DCAF8L2: variants seen among roughly 807,000 people sequenced by gnomAD.
DCAF8L2 encodes DDB1- and CUL4-associated factor 8-like protein 2.
For synonymous variants in DCAF8L2, 200 were observed against 190.9 expected, an observed-to-expected ratio of 1.05 and a Z score of -0.39; for missense variants, 430 against 490.7, an observed-to-expected ratio of 0.88 and a Z score of 1.17.
chrX:27,671,788 C>T (rs925027067), intron 2 of DCAF8L2, among the ~76,000 whole-genome samples: 1 of 111,889 alleles, frequency 8.9e-6, no homozygotes, highest in African/African-American at 3.2e-5. Context: ...TGTTTTCTGT[C>T]ACTTTCAACT....
chrX:27,508,097 C>A, the DCAF8L2 span, among the ~76,000 whole-genome samples: 1 of 111,598 alleles, frequency 9.0e-6, no homozygotes, highest in African/African-American at 3.2e-5. Flanking sequence ...ATATATAGGA[C>A]CTAGTATACC....
At chrX:27,721,428 T>C (rs749790854) in intron 4 of DCAF8L2, among the ~76,000 whole-genome samples, 1 of 111,729 alleles carries the variant, frequency 9.0e-6, no homozygotes, top group South Asian at 3.6e-4. Flanking sequence ...AAGTCCTGAA[T>C]ATCGTAGAAC....
intron 3 of DCAF8L2, among the ~76,000 whole-genome samples, chrX:27,695,975 A>G (rs1381402085): frequency 1.8e-5 from 2 of 109,918 alleles, no homozygotes; most frequent in Non-Finnish European, 3.8e-5. Context: ...CAGACAGATC[A>G]CTTGAAATCA....
chrX:27,526,806 C>T, the DCAF8L2 span, among the ~76,000 whole-genome samples: 2 of 112,634 alleles, frequency 1.8e-5, no homozygotes, highest in South Asian at 7.2e-4. Context: ...ACCCTGTTTG[C>T]CTGGGTATCA....
At chrX:27,592,334 C>T (rs189916007) in intron 1 of DCAF8L2, among the ~76,000 whole-genome samples, 2 of 111,850 alleles carry the variant, frequency 1.8e-5, no homozygotes, top group East Asian at 2.8e-4. Flanking sequence ...AGCCGGGGCA[C>T]GTTCCTGTCA....
At chrX:27,535,642 C>A in the DCAF8L2 span, among the ~76,000 whole-genome samples, 7 of 111,924 alleles carry the variant, frequency 6.3e-5, no homozygotes, top group East Asian at 2.8e-4. Flanking sequence ...TCGGAGCCAT[C>A]CTGAATAACT....
At chrX:27,480,034 G>A in the DCAF8L2 span, among the ~76,000 whole-genome samples, 1 of 112,426 alleles carries the variant, frequency 8.9e-6, no homozygotes, top group Non-Finnish European at 1.9e-5. Flanking sequence ...AAAGCTCATG[G>A]TCTCCAAACA....
chrX:27,489,737 A>T, the DCAF8L2 span, among the ~76,000 whole-genome samples: 2 of 112,214 alleles, frequency 1.8e-5, no homozygotes, highest in Admixed American at 9.5e-5. Flanking sequence ...TTTCTGAAGC[A>T]GCTGTAAAAT....
intron 1 of DCAF8L2, among the ~76,000 whole-genome samples, chrX:27,598,800 T>C (rs745447586): frequency 1.8e-5 from 2 of 109,959 alleles, no homozygotes; most frequent in Admixed American, 2.0e-4. Context: ...TGCAACAACA[T>C]AACTACCTTG....
At chrX:27,671,700 G>A (rs979576457) in intron 2 of DCAF8L2, among the ~76,000 whole-genome samples, 2 of 111,741 alleles carry the variant, frequency 1.8e-5, no homozygotes, top group South Asian at 3.7e-4. Flanking sequence ...AGATATTTTC[G>A]AGATCTTGAA....
chrX:27,515,923 G>A, the DCAF8L2 span, among the ~76,000 whole-genome samples: 1 of 111,989 alleles, frequency 8.9e-6, no homozygotes, highest in African/African-American at 3.2e-5. Context: ...AACCAGCTAC[G>A]TTTTGTCCTA....
chrX:27,499,842 G>C, the DCAF8L2 span, among the ~76,000 whole-genome samples: 5 of 109,957 alleles, frequency 4.5e-5, no homozygotes, highest in Admixed American at 9.8e-5. Flanking sequence ...GTGGTGGGGG[G>C]GGGTACAGGG....
At chrX:27,541,875 G>A in the DCAF8L2 span, among the ~76,000 whole-genome samples, 11 of 110,665 alleles carry the variant, frequency 9.9e-5, no homozygotes, top group African/African-American at 3.3e-4. Flanking sequence ...CCCAATATCT[G>A]TTTTTCTCAT....
the DCAF8L2 span, among the ~76,000 whole-genome samples, chrX:27,514,156 G>GTGCA: frequency 3.0e-4 from 32 of 107,578 alleles, no homozygotes; most frequent in East Asian, 9.7e-3. Flanking sequence ...ATGTATGTGT[G>GTGCA]TGCATGCACA....
the DCAF8L2 span, among the ~76,000 whole-genome samples, chrX:27,501,535 T>C: frequency 4.5e-5 from 5 of 111,350 alleles, no homozygotes; most frequent in Non-Finnish European, 9.4e-5. Context: ...GTGCTGACCA[T>C]TGAGGTGTCT....
intron 2 of DCAF8L2, among the ~76,000 whole-genome samples, chrX:27,635,786 CGTGTGTGTGTGT>C (rs754830405): frequency 0.011 from 964 of 90,397 alleles, 9 homozygotes; most frequent in African/African-American, 0.039. Context: ...TTTCCTTTTA[CGTGTGTGTGTGT>C]GTGTGTGTGT....
chrX:27,539,571 C>T, the DCAF8L2 span, among the ~76,000 whole-genome samples: 2 of 111,623 alleles, frequency 1.8e-5, no homozygotes, highest in East Asian at 2.8e-4. Context: ...CTATATCTTT[C>T]TAACAATGCT....
intron 3 of DCAF8L2, among the ~76,000 whole-genome samples, chrX:27,702,449 C>T (rs1931164540): frequency 1.5e-5 from 1 of 68,155 alleles, no homozygotes; most frequent in Non-Finnish European, 2.8e-5. Flanking sequence ...ATCCAAAATC[C>T]TCAAAAAAAA....
At chrX:27,564,646 C>T in the DCAF8L2 span, among the ~76,000 whole-genome samples, 1 of 109,425 alleles carries the variant, frequency 9.1e-6, no homozygotes, top group African/African-American at 3.3e-5. Context: ...AATGGCGAGA[C>T]TGGAAATGGG....
Sources: gnomAD v4.1 joint callset for allele counts (sites outside exome capture counted in the v4.1 genomes callset) on GRCh38, gnomAD v4.1.1 for gene constraint, MANE v1.5 for transcripts, NCBI Gene and HGNC (gene_info 2026-07-23, HGNC 2026-07-21) for gene names.